ZNF250: variants seen among roughly 807,000 people sequenced by gnomAD.
ZNF250 encodes zinc finger protein 250.
ZNF250 carries 13 observed loss-of-function variants against 37.1 expected under a neutral mutation model. That is an observed-to-expected ratio of 0.35 (90% confidence interval 0.23 to 0.56). The LOEUF is 0.56. Ranked by LOEUF, ZNF250 falls within the 20% of genes least tolerant of loss-of-function variation. ZNF250 has a pLI of 0.87. For synonymous variants in ZNF250, 251 were observed against 265.6 expected, an observed-to-expected ratio of 0.94 and a Z score of 0.54; for missense variants, 474 against 697.9, an observed-to-expected ratio of 0.68 and a Z score of 3.61.
At position 144,897,882 on chromosome 8, in the gene ZNF250, T is replaced by G. The variant is rs531988965; in HGVS notation, c.-55+3517A>C. Among the ~76,000 whole-genome samples, 21 of 152,382 alleles carry G rather than the reference T, an allele frequency of 1.4e-4. No individual in the cohort carries two copies. The East Asian group carries it at 4.0e-3, about 29-fold the overall frequency. ...CACAGATCGCTCATGCTATTGTTTG[T>G]GGCTTAAGAATGCCTTTAAGGGGTT... On this transcript the variant is annotated intron_variant, in intron 1 of 5. Transcript: ENST00000417550. This position sits in a 1 kb window ranked among gnomAD's most constrained non-coding sequence, Gnocchi z 5.2.
chr8:144,895,990 C>T (rs547038115), intron 1 of ZNF250, among the ~76,000 whole-genome samples: 1 of 119,426 alleles, frequency 8.4e-6, no homozygotes, highest in African/African-American at 3.4e-5. Context: ...GCCTGCATAA[C>T]AGAGCAAGAC....
At position 144,877,937 on chromosome 8, in the gene ZNF250, C is replaced by A. The variant is rs1831231364; in HGVS notation, c.*3578G>T. ...CATCTTAATTGGAATATGACTTTGT[C>A]TTTAATGATTAGAAATTGGGGCCTG... is the stretch of plus-strand genomic sequence containing the variant. On this transcript the variant is annotated 3_prime_UTR_variant, in exon 6 of 6. Transcript: ENST00000417550. 6.6e-6 allele frequency: 1 copy of A among 152,178 alleles called. No individual in the cohort carries two copies. Among genetic ancestry groups the A allele is most frequent in the Admixed American group, 6.5e-5 (1 of 15,270 alleles). The allele number at this position is 152,178 out of a possible 1,614,324, so 9.4% of individuals were successfully genotyped here. A position where few individuals can be genotyped will look rare whatever the true frequency, so the allele number is the denominator to read the frequency against.
rs2129661892 is a variant in ZNF250 at position 144,880,640 on chromosome 8, G to A, written c.*875C>T. On this transcript the variant is annotated 3_prime_UTR_variant, in exon 6 of 6. Coordinates refer to ENST00000417550, the MANE Select transcript of ZNF250 (RefSeq NM_001109689.4). ...ACACTTTCGGAAGCAAAGGTGGGAG[G>A]ATCACTTGAGGCCAGGAGTTCGAGA... 2 of 376,252 alleles carry A rather than the reference G, an allele frequency of 5.3e-6. No homozygotes were observed. Among genetic ancestry groups the A allele is most frequent in the Middle Eastern group, 9.1e-4 (1 of 1,104 alleles). 23.3% of individuals were successfully genotyped at this position (376,252 alleles called of 1,614,324 possible).
At chr8:144,901,496 G>C (rs981550319), upstream of ZNF250, 4 of 152,362 alleles carry the variant, frequency 2.6e-5, no homozygotes, top group Non-Finnish European at 5.9e-5. This position sits in a 1 kb window ranked among gnomAD's most constrained non-coding sequence, Gnocchi z 5.4. Context: ...CAATCCCTGG[G>C]GGCTCCTGCC....
Position 144,881,636 on chromosome 8 carries a change from A to AC in ZNF250, c.1546dup (p.Val516GlyfsTer16). The AC allele has an allele frequency of 6.2e-7, 1 of 1,605,754 alleles. No homozygotes were observed. The highest frequency in any genetic ancestry group is 8.5e-7 in the Non-Finnish European group (1 of 1,176,850). On this transcript the variant is annotated frameshift_variant, in exon 6 of 6. Transcript: ENST00000417550. LOFTEE classifies it high-confidence loss of function. ...GTGGATCCGCTGGTGCTGGATGAGC[A>AC]CTGAGTACTGGCTGAAGGCCTTCCC... is the stretch of plus-strand genomic sequence containing the variant.
intron 1 of ZNF250, among the ~76,000 whole-genome samples, chr8:144,900,867 T>C (rs774873074): frequency 2.0e-5 from 3 of 152,150 alleles, no homozygotes; most frequent in African/African-American, 7.2e-5. Context: ...CCTCCATTTT[T>C]ATATTTTGGG....
chr8:144,890,836 C>T lies in ZNF250; in HGVS notation c.-54-433G>A, dbSNP rs1459115522. ...GCCAAGCTGCTTCCCCAAACACCCT[C>T]CCAATTAAGAAAGCCTTGGCCACCA... On this transcript the variant is annotated intron_variant, in intron 1 of 5. Coordinates refer to ENST00000417550, the MANE Select transcript of ZNF250 (RefSeq NM_001109689.4). This position sits in a 1 kb window ranked among gnomAD's most constrained non-coding sequence, Gnocchi z 5.1. 6.6e-6 allele frequency among the ~76,000 whole-genome samples: 1 copy of T among 152,202 alleles called. No individual in the cohort carries two copies. Among genetic ancestry groups the T allele is most frequent in the Non-Finnish European group, 1.5e-5 (1 of 68,036 alleles).
rs577845375 is a variant in ZNF250, at chr8:144,879,145, C to G, written c.*2370G>C. Reference sequence around the variant, plus strand: ...ATGGCAACACCTCTAAGGTTAACACCTTGGTTATCTGAGCTATCTGAGGTT... The same window carrying G: ...ATGGCAACACCTCTAAGGTTAACACGTTGGTTATCTGAGCTATCTGAGGTT... On this transcript the variant is annotated 3_prime_UTR_variant, in exon 6 of 6. Transcript: ENST00000417550. 6.6e-6 allele frequency: 1 copy of G among 152,220 alleles called. No individual in the cohort carries two copies. The highest frequency in any genetic ancestry group is 1.5e-5 in the Non-Finnish European group (1 of 68,038). The allele number at this position is 152,220 out of a possible 1,614,324, so 9.4% of individuals were successfully genotyped here.
Position 144,890,697 on chromosome 8 carries a change from T to C in ZNF250, c.-54-294A>G, listed in dbSNP as rs1832272101. Reference sequence around the variant, plus strand: ...CTTGCTGCACCCTGGTCCCGGCCCATGGTCCTGCCATACACAAGGATACCA... The same window carrying C: ...CTTGCTGCACCCTGGTCCCGGCCCACGGTCCTGCCATACACAAGGATACCA... On this transcript the variant is annotated intron_variant, in intron 1 of 5. Coordinates refer to ENST00000417550, the MANE Select transcript of ZNF250 (RefSeq NM_001109689.4). This position sits in a 1 kb window ranked among gnomAD's most constrained non-coding sequence, Gnocchi z 5.1. Among the ~76,000 whole-genome samples, 2 of 152,092 alleles carry C rather than the reference T, an allele frequency of 1.3e-5. No individual in the cohort carries two copies. The highest frequency in any genetic ancestry group is 6.6e-5 in the Admixed American group (1 of 15,260).
At chr8:144,889,716 T>G in intron 3 of ZNF250, 22 bp from the exon 4 acceptor site, 2 of 1,608,210 alleles carry the variant, frequency 1.2e-6, no homozygotes, top group Non-Finnish European at 1.7e-6. Context: ...GAGGGAAGTC[T>G]TTGTTTACAC....
Position 144,881,802 on chromosome 8 carries a change from G to A in ZNF250, c.1381C>T (p.Leu461=). The A allele has an allele frequency of 6.2e-7, 1 of 1,614,200 alleles. No individual in the cohort carries two copies. The highest frequency in any genetic ancestry group is 1.3e-5 in the African/African-American group (1 of 75,058). The change falls in exon 6 of 6, where the codon CTG becomes TTG. Residue 461 remains leucine, a synonymous_variant. Transcript: ENST00000417550. ...CGHAFSARRS[L]IQHERIHTGE... is the part of the protein sequence containing the mutation. ...GTGTGGATTCTCTCATGCTGGATCA[G>A]AGACCGGCGTGCACTGAAGGCGTGC...
At position 144,883,887 on chromosome 8, in the gene ZNF250, AT is replaced by A. The variant is rs551476941; in HGVS notation, c.347-1052del. On this transcript the variant is annotated intron_variant, in intron 5 of 5. Coordinates refer to ENST00000417550, the MANE Select transcript of ZNF250 (RefSeq NM_001109689.4). ...GTAAGAGGTGCTGAGGACAACAGTG[AT>A]TTTTTTTTTAGATGGAGTCTCTGTC... is the stretch of plus-strand genomic sequence containing the variant. 1.1e-4 allele frequency among the ~76,000 whole-genome samples: 16 copies of A among 149,206 alleles called. 1 individual carries two copies. Among genetic ancestry groups the A allele is most frequent in the Middle Eastern group, 3.5e-3 (1 of 288 alleles).
At chr8:144,883,442 C>T (rs1483883136) in intron 5 of ZNF250, among the ~76,000 whole-genome samples, 1 of 151,716 alleles carries the variant, frequency 6.6e-6, no homozygotes, top group East Asian at 1.9e-4. Flanking sequence ...TGGGGTCAAG[C>T]GATTCTCGTG....
chr8:144,889,805 G>T, intron 3 of ZNF250, 111 bp from the exon 4 acceptor site: 1 of 1,454,078 alleles, frequency 6.9e-7, no homozygotes. Context: ...TTCTGCTGGA[G>T]CTGAGCACCC....
At chr8:144,889,047 C>T (rs1356178065) in intron 4 of ZNF250, among the ~76,000 whole-genome samples, 1 of 152,208 alleles carries the variant, frequency 6.6e-6, no homozygotes, top group African/African-American at 2.4e-5. Context: ...GTATTACAGG[C>T]TTGAGCCACC....
At chr8:144,887,252 C>CAAAAAAAAAAAAAAA (rs56677445) in intron 4 of ZNF250, among the ~76,000 whole-genome samples, 18 of 63,078 alleles carry the variant, frequency 2.9e-4, no homozygotes, top group African/African-American at 1.3e-3. Context: ...CTCCGTCTCT[C>CAAAAAAAAAAAAAAA]AAAAAAAAAA....
At chr8:144,884,086 T>C (rs777221417) in intron 5 of ZNF250, among the ~76,000 whole-genome samples, 14 of 152,142 alleles carry the variant, frequency 9.2e-5, no homozygotes, top group Non-Finnish European at 1.6e-4. Context: ...TGCGTGTTTC[T>C]GAGCTTTCTA....
In ZNF250 at chr8:144,881,777, G is replaced by A; in HGVS notation, c.1406C>T (p.Thr469Ile). Residue 469 changes from threonine to isoleucine, a missense_variant, in exon 6 of 6, where the codon ACA becomes ATA. Physicochemically the swap from Thr to Ile is moderately conservative, Grantham distance 89. Around this residue, in one of 2 missense-constraint regions of ZNF250, gnomAD observed 282 missense variants for 470.4 expected, o/e 0.60. Transcript: ENST00000417550. ...RSLIQHERIH[T>I]GEKPFQCTEC... ...TGTGCACTGGAAGGGCTTTTCACCT[G>A]TGTGGATTCTCTCATGCTGGATCAG... 6.2e-7 allele frequency: 1 copy of A among 1,614,166 alleles called. No homozygotes were observed. The highest frequency in any genetic ancestry group is 8.5e-7 in the Non-Finnish European group (1 of 1,180,024).
chr8:144,890,928 T>C lies in ZNF250; in HGVS notation c.-54-525A>G, dbSNP rs80075516. 0.01 allele frequency among the ~76,000 whole-genome samples: 1,586 copies of C among 152,240 alleles called. 21 individuals are homozygous for C. The highest frequency in any genetic ancestry group is 0.036 in the African/African-American group (1,502 of 41,538). ...CTAGTGCCCCAATGTGGCACCAGGT[T>C]CAACCAGGTATTTGAAGGGGAGGCA... On this transcript the variant is annotated intron_variant, in intron 1 of 5. Coordinates refer to ENST00000417550, the MANE Select transcript of ZNF250 (RefSeq NM_001109689.4). The surrounding 1 kb of genome is among the most constrained non-coding windows in gnomAD (Gnocchi z 5.1).
Sources: gnomAD v4.1 joint callset for allele counts (sites outside exome capture counted in the v4.1 genomes callset) on GRCh38, gnomAD v4.1.1 for gene constraint, gnomAD v4.1.1 regional missense constraint, Gnocchi (gnomAD v3.1) non-coding constraint, MANE v1.5 for transcripts, NCBI Gene and HGNC (gene_info 2026-07-23, HGNC 2026-07-21) for gene names.